STAU2: variants seen among roughly 807,000 people sequenced by gnomAD.
STAU2 encodes the protein staufen double-stranded RNA binding protein 2.
Under a neutral mutation model 65.9 loss-of-function variants are expected in STAU2, and 20 were observed. The observed-to-expected ratio is 0.30, with a 90% CI of 0.21 to 0.44. The LOEUF (loss-of-function observed/expected upper bound fraction) is 0.44. Ranked by LOEUF, STAU2 falls within the 20% of genes least tolerant of loss-of-function variation. The pLI, the probability that STAU2 is intolerant of heterozygous loss-of-function variation, is 1.00. For synonymous variants in STAU2, 232 were observed against 233.9 expected (o/e 0.99, Z 0.07); for missense variants, 558 against 683.9 (o/e 0.82, Z 2.05).
intron 6 of STAU2, among the ~76,000 whole-genome samples, chr8:73,639,309 C>G (rs1183637321): frequency 6.6e-6 from 1 of 151,916 alleles, no homozygotes; most frequent in African/African-American, 2.4e-5. Context: ...TTGTGAATAC[C>G]CAGAAATTCC....
chr8:73,685,102 AGTCT>A (rs887163671), intron 5 of STAU2, among the ~76,000 whole-genome samples: 4 of 152,170 alleles, frequency 2.6e-5, no homozygotes, highest in African/African-American at 9.7e-5. Context: ...TTCCTCCTTC[AGTCT>A]TTTTCTCTCT....
chr8:73,451,746 T>C (rs1414640939), intron 13 of STAU2, among the ~76,000 whole-genome samples: 1 of 152,108 alleles, frequency 6.6e-6, no homozygotes, highest in Non-Finnish European at 1.5e-5. Context: ...TGGCTTTTAT[T>C]TTTTTAATGA....
chr8:73,705,561 T>C (rs1475857175), intron 4 of STAU2, among the ~76,000 whole-genome samples: 3 of 152,238 alleles, frequency 2.0e-5, no homozygotes, highest in Non-Finnish European at 4.4e-5. Context: ...TTTCGAGATT[T>C]GAGCAAACCA....
chr8:73,615,602 A>C (rs1812774615), intron 8 of STAU2, 73 bp downstream of exon 8: 1 of 1,087,774 alleles, frequency 9.2e-7, no homozygotes, highest in Admixed American at 1.7e-5. Flanking sequence ...CTAATACACC[A>C]GTTAATTTGA....
At chr8:73,450,016 C>T (rs772607887) in intron 13 of STAU2, among the ~76,000 whole-genome samples, 15 of 152,194 alleles carry the variant, frequency 9.9e-5, no homozygotes, top group East Asian at 1.9e-4. Context: ...CAGGATATGC[C>T]GGGCTGGCAG....
chr8:73,662,716 A>T (rs1465824689), intron 6 of STAU2, among the ~76,000 whole-genome samples: 1 of 152,090 alleles, frequency 6.6e-6, no homozygotes, highest in Non-Finnish European at 1.5e-5. Context: ...TCCCGGGTTC[A>T]AGCAATTCTC....
intron 6 of STAU2, chr8:73,672,204 ATCCC>A (rs1817734275): frequency 1.3e-5 from 2 of 152,200 alleles, no homozygotes; most frequent in Non-Finnish European, 2.9e-5. Context: ...ACATGGATGA[ATCCC>A]CAAACAAGAA....
chr8:73,551,388 C>A, intron 13 of STAU2: 2 of 986,994 alleles, frequency 2.0e-6, no homozygotes, highest in South Asian at 9.4e-5. Context: ...GAGGCAGGTG[C>A]TACCCTCCCT....
chr8:73,479,472 G>GCACACACACACACACACA (rs5892420), intron 13 of STAU2, among the ~76,000 whole-genome samples: 3,168 of 139,844 alleles, frequency 0.023, 71 homozygotes, highest in Middle Eastern at 0.056. Context: ...TCCCTATTCT[G>GCACACACACACACACACA]CACACACACA....
chr8:73,457,393 G>C (rs1819125714), intron 13 of STAU2, among the ~76,000 whole-genome samples: 1 of 152,204 alleles, frequency 6.6e-6, no homozygotes, highest in Non-Finnish European at 1.5e-5. Flanking sequence ...CCCAGGGGCT[G>C]TGTGGCCTCC....
intron 6 of STAU2, among the ~76,000 whole-genome samples, chr8:73,636,351 T>C (rs1814512614): frequency 6.6e-6 from 1 of 151,622 alleles, no homozygotes; most frequent in South Asian, 2.1e-4. Context: ...CACTCCAGCC[T>C]GGGTGACAGA....
upstream of STAU2, chr8:73,747,006 C>T (rs1233642672): frequency 1.2e-4 from 41 of 335,122 alleles, no homozygotes; most frequent in Non-Finnish European, 1.3e-4. Context: ...GGCCGGCGCG[C>T]GCGCCCGGCA....
chr8:73,444,667 ATC>A (rs1818371342), intron 13 of STAU2, among the ~76,000 whole-genome samples: 1 of 152,188 alleles, frequency 6.6e-6, no homozygotes, highest in Non-Finnish European at 1.5e-5. Context: ...GGTCTTATGT[ATC>A]TCAGTATCTT....
chr8:73,504,333 AC>A (rs1821931449), intron 13 of STAU2, among the ~76,000 whole-genome samples: 1 of 152,160 alleles, frequency 6.6e-6, no homozygotes, highest in African/African-American at 2.4e-5. Context: ...GACTCCTGAG[AC>A]AAAATTATCA....
intron 12 of STAU2, among the ~76,000 whole-genome samples, chr8:73,561,031 T>C (rs752466223): frequency 2.6e-5 from 4 of 152,204 alleles, no homozygotes; most frequent in African/African-American, 7.2e-5. Flanking sequence ...CAGTAACTTA[T>C]ACTTTTGCCA....
intron 13 of STAU2, among the ~76,000 whole-genome samples, chr8:73,512,690 C>T (rs186530265): frequency 1.3e-3 from 195 of 151,942 alleles, no homozygotes; most frequent in Non-Finnish European, 2.4e-3. Context: ...GGATTTTCTA[C>T]ATACAGGATC....
chr8:73,576,175 T>C (rs987468547), intron 12 of STAU2, among the ~76,000 whole-genome samples: 4 of 152,208 alleles, frequency 2.6e-5, no homozygotes, highest in African/African-American at 4.8e-5. Context: ...TGTGCACCCA[T>C]AGAAATGTTC....
intron 12 of STAU2, among the ~76,000 whole-genome samples, chr8:73,573,918 C>T (rs1271638081): frequency 6.6e-6 from 1 of 152,102 alleles, no homozygotes; most frequent in Non-Finnish European, 1.5e-5. Context: ...TCTAATTAAA[C>T]TAAAGAGCTT....
chr8:73,688,872 G>C, intron 4 of STAU2, 59 bp from the exon 5 acceptor site: 1 of 1,575,048 alleles, frequency 6.3e-7, no homozygotes, highest in Non-Finnish European at 8.6e-7. Context: ...AATAAAATTG[G>C]CTGTCTGAGA....
Sources: gnomAD v4.1 joint callset for allele counts (sites outside exome capture counted in the v4.1 genomes callset) on GRCh38, gnomAD v4.1.1 for gene constraint, MANE v1.5 for transcripts, NCBI Gene and HGNC (gene_info 2026-07-23, HGNC 2026-07-21) for gene names.